Variants in DENND1B observed in about 807,000 individuals in gnomAD.
DENND1B encodes the protein DENN domain containing 1B.
In DENND1B, 59 loss-of-function variants were observed where a neutral mutation model predicts 90.1. That is an observed-to-expected ratio of 0.65 (90% confidence interval 0.53 to 0.81). The LOEUF is 0.81. Ranked by LOEUF, DENND1B falls within the 40% of genes least tolerant of loss-of-function variation. The pLI is 0.00. For missense variants in DENND1B, 862 were observed against 912.6 expected (o/e 0.94, Z 0.71); for synonymous variants, 337 against 324.6 (o/e 1.04, Z -0.41).
chr1:197,545,146 T>C (rs887279112), intron 18 of DENND1B, among the ~76,000 whole-genome samples: 3 of 152,094 alleles, frequency 2.0e-5, no homozygotes, highest in African/African-American at 7.2e-5. Context: ...GGCTCACACC[T>C]ATAATCCCAG....
In DENND1B at chr1:197,764,219, T is replaced by C. The variant is rs1414632120; in HGVS notation, c.82+8649A>G. ...AGTCTGTGTGCTTTGGGCAAGTTGT[T>C]GAACTTGCCTCAATTTCCTTATGCT... On this transcript the variant is annotated intron_variant, in intron 2 of 22. Coordinates refer to ENST00000620048, the MANE Select transcript of DENND1B (RefSeq NM_001195215.2). Among the ~76,000 whole-genome samples the C allele has an allele frequency of 2.0e-5, 3 of 152,320 alleles. No individual in the cohort carries two copies. The East Asian group carries it at 5.8e-4, about 29-fold the overall frequency.
chr1:197,599,581 CT>C (rs1216780357), intron 13 of DENND1B, among the ~76,000 whole-genome samples: 1 of 151,686 alleles, frequency 6.6e-6, no homozygotes, highest in Non-Finnish European at 1.5e-5. Context: ...AAGTTGAAAA[CT>C]TTTATTCTCC....
intron 10 of DENND1B, 48 bp downstream of exon 10, chr1:197,642,663 T>A (rs747884827): frequency 2.1e-6 from 3 of 1,395,518 alleles, no homozygotes; most frequent in Non-Finnish European, 3.0e-6. Flanking sequence ...TAGGTCTTTT[T>A]GTGAAACACT....
chr1:197,610,957 T>C (rs1677131920), intron 12 of DENND1B, among the ~76,000 whole-genome samples: 1 of 150,740 alleles, frequency 6.6e-6, no homozygotes, highest in South Asian at 2.1e-4. Flanking sequence ...AGAGTACCGG[T>C]CGGAATCCAC....
chr1:197,519,771 GT>G (rs1273698103), intron 20 of DENND1B, among the ~76,000 whole-genome samples: 1 of 151,886 alleles, frequency 6.6e-6, no homozygotes, highest in East Asian at 1.9e-4. Flanking sequence ...CAAATGTCCA[GT>G]GGTGGGACAA....
At chr1:197,734,473 T>C (rs1185068306) in intron 2 of DENND1B, 1 of 980,188 alleles carries the variant, frequency 1.0e-6, no homozygotes, top group South Asian at 4.7e-5. Context: ...GTGAAAACTA[T>C]ATATGATTAC....
At chr1:197,592,593 C>T (rs1035319346) in intron 14 of DENND1B, among the ~76,000 whole-genome samples, 4 of 152,188 alleles carry the variant, frequency 2.6e-5, no homozygotes, top group East Asian at 1.9e-4. Flanking sequence ...GGATTAAAAG[C>T]GTTGCCAGGA....
At chr1:197,706,781 G>A (rs981736070) in intron 3 of DENND1B, among the ~76,000 whole-genome samples, 5 of 152,102 alleles carry the variant, frequency 3.3e-5, no homozygotes, top group Non-Finnish European at 7.4e-5. Context: ...ACTAACAAAT[G>A]CTGGCAAGGA....
upstream of DENND1B, among the ~76,000 whole-genome samples, chr1:197,777,099 G>GA (rs151133986): frequency 0.075 from 11,208 of 149,400 alleles, 512 homozygotes; most frequent in Non-Finnish European, 0.099. Context: ...CCAAAGCCTT[G>GA]AAAAAAAAAA....
intron 1 of DENND1B, among the ~76,000 whole-genome samples, chr1:197,773,716 G>A (rs946479854): frequency 2.0e-5 from 3 of 152,142 alleles, no homozygotes; most frequent in African/African-American, 7.2e-5. Flanking sequence ...AAATTTCAAA[G>A]CAACATTGGT....
intron 14 of DENND1B, among the ~76,000 whole-genome samples, chr1:197,585,289 A>G (rs1674601555): frequency 1.3e-5 from 2 of 152,348 alleles, no homozygotes; most frequent in South Asian, 2.1e-4. Flanking sequence ...AAAAATAAAT[A>G]CAATTTTAAA....
At chr1:197,736,223 G>T (rs1442927975) in intron 2 of DENND1B, 1 of 414,094 alleles carries the variant, frequency 2.4e-6, no homozygotes, top group Non-Finnish European at 4.5e-6. Context: ...ATTTTAAGCT[G>T]CAGATTCCAA....
intron 2 of DENND1B, among the ~76,000 whole-genome samples, chr1:197,754,504 A>G (rs1259533406): frequency 6.6e-6 from 1 of 152,040 alleles, no homozygotes; most frequent in Non-Finnish European, 1.5e-5. Flanking sequence ...CAACATGGTG[A>G]AAAATCAGCC....
rs563155607 is a variant in DENND1B at position 197,717,770 on chromosome 1, A to G, written c.83-2696T>C. 5.9e-5 allele frequency among the ~76,000 whole-genome samples: 9 copies of G among 152,064 alleles called. No homozygotes were observed. In the East Asian group the frequency reaches 1.7e-3, roughly 29 times the overall value. ...TTTCACATTTCCTGGCCCTTAACTG[A>G]AAACAAAATTAAAATAACTTAGAAT... On this transcript the variant is annotated intron_variant, in intron 2 of 22. Transcript: ENST00000620048.
At chr1:197,607,201 C>G (rs1490041716) in intron 12 of DENND1B, 27 bp from the exon 13 acceptor site, 2 of 1,431,652 alleles carry the variant, frequency 1.4e-6, no homozygotes, top group Non-Finnish European at 1.9e-6. Flanking sequence ...ATTATGAATA[C>G]AAATCAGTAT....
chr1:197,575,005 A>T (rs1003557744), intron 15 of DENND1B, among the ~76,000 whole-genome samples: 4 of 152,192 alleles, frequency 2.6e-5, no homozygotes, highest in Non-Finnish European at 5.9e-5. Context: ...AACCTAGGCA[A>T]TACCATTCAG....
chr1:197,599,889 C>G (rs1676046263), intron 13 of DENND1B, among the ~76,000 whole-genome samples: 1 of 151,780 alleles, frequency 6.6e-6, no homozygotes, highest in Non-Finnish European at 1.5e-5. Flanking sequence ...CCAATAAAAT[C>G]CAAAGGTCTT....
At chr1:197,567,029 T>C (rs552330335) in intron 15 of DENND1B, among the ~76,000 whole-genome samples, 1 of 151,904 alleles carries the variant, frequency 6.6e-6, no homozygotes, top group East Asian at 1.9e-4. Context: ...AGAACAGAAC[T>C]AAATGAAATA....
chr1:197,513,991 TG>T (rs1157609053), intron 20 of DENND1B, among the ~76,000 whole-genome samples: 2 of 151,798 alleles, frequency 1.3e-5, no homozygotes, highest in Non-Finnish European at 3.0e-5. Context: ...TACTGTAACA[TG>T]TATAGGCACA....
Sources: allele counts gnomAD v4.1 joint callset (sites outside exome capture counted in the v4.1 genomes callset), GRCh38; gene constraint gnomAD v4.1.1; transcripts MANE v1.5; gene names NCBI Gene and HGNC (gene_info 2026-07-23, HGNC 2026-07-21).